The following NCOR1 variants were observed in gnomAD, a reference collection of about 807,000 sequenced individuals.
NCOR1 encodes nuclear receptor corepressor 1.
In NCOR1, 63 loss-of-function variants were observed where a neutral mutation model predicts 288.1. That is an observed-to-expected ratio of 0.22 (90% CI 0.18 to 0.27). The LOEUF (loss-of-function observed/expected upper bound fraction) is 0.27. Ranked by LOEUF, NCOR1 falls within the 10% of genes least tolerant of loss-of-function variation. The probability of loss-of-function intolerance (pLI) is 1.00; values close to 1 mark genes in which losing one functional copy is unlikely to be tolerated. For missense variants in NCOR1, 2,397 were observed against 3,019.2 expected, an observed-to-expected ratio of 0.79 and a Z score of 4.83; for synonymous variants, 1,007 against 1,065.9, an observed-to-expected ratio of 0.94 and a Z score of 1.08.
chr17:16,032,232 A>G lies in NCOR1; in HGVS notation c.*64T>C. On this transcript the variant is annotated 3_prime_UTR_variant, in exon 46 of 46. Coordinates refer to ENST00000268712, the MANE Select transcript of NCOR1 (RefSeq NM_006311.4). ...GAGGGCAGGTTTTTGACCTGCTACTAAAAATTAAACCACAAAAACTAGAGA... is the reference window on the plus strand; with the variant it reads ...GAGGGCAGGTTTTTGACCTGCTACTGAAAATTAAACCACAAAAACTAGAGA... 1 of 1,464,282 alleles carries G rather than the reference A, an allele frequency of 6.8e-7. No homozygotes were observed. The highest frequency in any genetic ancestry group is 9.0e-7 in the Non-Finnish European group (1 of 1,109,534). The allele number at this position is 1,464,282 out of a possible 1,614,324, so 90.7% of individuals were successfully genotyped here. A position where few individuals can be genotyped will look rare whatever the true frequency, so the allele number is the denominator to read the frequency against.
chr17:16,135,413 T>C (rs1338675239), intron 14 of NCOR1, among the ~76,000 whole-genome samples: 1 of 152,170 alleles, frequency 6.6e-6, no homozygotes, highest in Non-Finnish European at 1.5e-5. Flanking sequence ...TGTCTTACGG[T>C]ACTGCACCCA....
intron 22 of NCOR1, among the ~76,000 whole-genome samples, chr17:16,090,914 A>G (rs2065063671): frequency 6.6e-6 from 1 of 152,184 alleles, no homozygotes; most frequent in Admixed American, 6.5e-5. Flanking sequence ...TACTGTAAAG[A>G]ATCTTCTGAA....
At chr17:16,202,223 C>CAAAAAA (rs35812448) in intron 1 of NCOR1, among the ~76,000 whole-genome samples, 1 of 97,420 alleles carries the variant, frequency 1.0e-5, no homozygotes, top group African/African-American at 4.3e-5. Flanking sequence ...GACTCCATCT[C>CAAAAAA]AAAAAAAAAA....
intron 26 of NCOR1, among the ~76,000 whole-genome samples, chr17:16,076,256 A>T (rs1370862740): frequency 1.3e-5 from 2 of 152,234 alleles, no homozygotes; most frequent in African/African-American, 2.4e-5. Context: ...GTTATACAAA[A>T]AGCAAATTCA....
At chr17:16,089,592 A>G (rs2064845467) in intron 22 of NCOR1, among the ~76,000 whole-genome samples, 1 of 152,200 alleles carries the variant, frequency 6.6e-6, no homozygotes, top group Non-Finnish European at 1.5e-5. Flanking sequence ...ACTTGCTAAA[A>G]GAGACCATGA....
intron 1 of NCOR1, among the ~76,000 whole-genome samples, chr17:16,196,972 G>A (rs2089961795): frequency 6.6e-6 from 1 of 152,034 alleles, no homozygotes; most frequent in Non-Finnish European, 1.5e-5. Flanking sequence ...AGCCGTGATT[G>A]TGCCACTGCA....
At chr17:16,114,703 T>C (rs1341244196) in intron 18 of NCOR1, among the ~76,000 whole-genome samples, 1 of 152,252 alleles carries the variant, frequency 6.6e-6, no homozygotes, top group Non-Finnish European at 1.5e-5. Flanking sequence ...TTTGACTCCA[T>C]GTCTCACGTC....
intron 18 of NCOR1, among the ~76,000 whole-genome samples, chr17:16,111,203 G>A (rs570644352): frequency 6.6e-6 from 1 of 152,262 alleles, no homozygotes; most frequent in East Asian, 1.9e-4. Context: ...ACATCCCTCT[G>A]TTCACATGCA....
intron 1 of NCOR1, among the ~76,000 whole-genome samples, chr17:16,196,836 AAAAAG>A (rs1341933386): frequency 3.5e-4 from 52 of 150,536 alleles, no homozygotes; most frequent in African/African-American, 1.1e-3. Context: ...AAAAAAAAAA[AAAAAG>A]AAAAGAAAAA....
At chr17:16,214,871 T>C (rs1390172690) in intron 1 of NCOR1, among the ~76,000 whole-genome samples, 1 of 152,222 alleles carries the variant, frequency 6.6e-6, no homozygotes, top group African/African-American at 2.4e-5. Flanking sequence ...CATTACACCC[T>C]GAAGCGGTCT....
At chr17:16,091,134 T>A (rs2065108622) in intron 22 of NCOR1, among the ~76,000 whole-genome samples, 1 of 152,106 alleles carries the variant, frequency 6.6e-6, no homozygotes, top group Non-Finnish European at 1.5e-5. Flanking sequence ...CCAACTCAAA[T>A]CCATCACTTG....
intron 23 of NCOR1, among the ~76,000 whole-genome samples, chr17:16,081,382 T>A (rs796240530): frequency 0.013 from 1,863 of 139,508 alleles, 49 homozygotes; most frequent in African/African-American, 0.046. Context: ...AATATTTATT[T>A]AAAAAAAAAA....
chr17:16,168,272 C>G (rs1190573292), intron 4 of NCOR1, among the ~76,000 whole-genome samples: 1 of 152,152 alleles, frequency 6.6e-6, no homozygotes, highest in Non-Finnish European at 1.5e-5. Context: ...ACAATCTCAG[C>G]TCACTGCAAC....
chr17:16,107,395 C>T (rs1460794328), intron 19 of NCOR1, among the ~76,000 whole-genome samples: 1 of 152,092 alleles, frequency 6.6e-6, no homozygotes, highest in Non-Finnish European at 1.5e-5. Context: ...GAGGAAGAGA[C>T]ACCAGGAGTG....
chr17:16,210,100 T>C (rs745407291), intron 1 of NCOR1, among the ~76,000 whole-genome samples: 2 of 151,942 alleles, frequency 1.3e-5, no homozygotes, highest in African/African-American at 2.4e-5. Context: ...AACCTATTTG[T>C]AGGCCAGGTG....
At chr17:16,054,070 TA>T (rs752015595) in intron 40 of NCOR1, among the ~76,000 whole-genome samples, 2,822 of 72,152 alleles carry the variant, frequency 0.039, 42 homozygotes, top group East Asian at 0.13. Flanking sequence ...GACTTAAATG[TA>T]AAAAAAAAAA....
chr17:16,183,980 G>A (rs1400110864), intron 3 of NCOR1, among the ~76,000 whole-genome samples: 1 of 152,132 alleles, frequency 6.6e-6, no homozygotes, highest in African/African-American at 2.4e-5. Flanking sequence ...CAACACAGTG[G>A]GGAAAGGGTA....
At chr17:16,178,738 T>C (rs1248324668) in intron 3 of NCOR1, among the ~76,000 whole-genome samples, 1 of 152,110 alleles carries the variant, frequency 6.6e-6, no homozygotes, top group African/African-American at 2.4e-5. Flanking sequence ...AAATATGTTT[T>C]TGTTCATTTT....
chr17:16,040,737 G>A, intron 42 of NCOR1: 1 of 532,410 alleles, frequency 1.9e-6, no homozygotes, highest in Non-Finnish European at 3.5e-6. Context: ...AACATCAAAA[G>A]AAGAGCAATA....
Sources: gnomAD v4.1 joint callset for allele counts (sites outside exome capture counted in the v4.1 genomes callset) on GRCh38, gnomAD v4.1.1 for gene constraint, MANE v1.5 for transcripts, NCBI Gene and HGNC (gene_info 2026-07-23, HGNC 2026-07-21) for gene names.